The following NEK11 variants were observed in gnomAD, a reference collection of about 807,000 sequenced individuals.
NEK11 encodes the protein NIMA related kinase 11.
Under a neutral mutation model 80.7 loss-of-function variants are expected in NEK11, and 72 were observed. That is an observed-to-expected ratio of 0.89 (90% CI 0.74 to 1.08). The LOEUF is 1.08. Ranked by LOEUF, NEK11 falls within the 50% of genes least tolerant of loss-of-function variation. The probability of loss-of-function intolerance (pLI) is 0.00; values close to 1 mark genes in which losing one functional copy is unlikely to be tolerated. For synonymous variants in NEK11, 251 were observed against 260.7 expected (o/e 0.96, Z 0.36); for missense variants, 764 against 763.6 (o/e 1.00, Z -0.01).
chr3:131,109,092 T>G (rs2079653464), intron 4 of NEK11, among the ~76,000 whole-genome samples: 2 of 152,092 alleles, frequency 1.3e-5, no homozygotes, highest in Admixed American at 6.6e-5. Flanking sequence ...ATATAGGTAA[T>G]ATAATAAAAA....
At chr3:131,267,656 G>C (rs952246198) in intron 16 of NEK11, among the ~76,000 whole-genome samples, 6 of 152,006 alleles carry the variant, frequency 3.9e-5, no homozygotes, top group Non-Finnish European at 8.8e-5. Flanking sequence ...TAGTCTGATG[G>C]GCTTCCCTTT....
chr3:131,262,805 C>A (rs539146267), intron 16 of NEK11, among the ~76,000 whole-genome samples: 9 of 152,160 alleles, frequency 5.9e-5, no homozygotes, highest in African/African-American at 2.2e-4. Flanking sequence ...TAATGCTATC[C>A]CTCTACTTGT....
chr3:131,177,582 G>C (rs1437001545), intron 14 of NEK11, among the ~76,000 whole-genome samples: 1 of 152,134 alleles, frequency 6.6e-6, no homozygotes, highest in Non-Finnish European at 1.5e-5. Context: ...GACGTGAGAA[G>C]ATGTCTCCTA....
At chr3:131,056,817 A>G (rs1356652563) in intron 3 of NEK11, among the ~76,000 whole-genome samples, 4 of 151,860 alleles carry the variant, frequency 2.6e-5, no homozygotes, top group Non-Finnish European at 4.4e-5. Flanking sequence ...GATGCCCTCT[A>G]TGTCTATAGG....
chr3:131,154,772 C>T lies in NEK11; in HGVS notation c.877-264C>T, dbSNP rs2090358151. The T allele has an allele frequency of 1.1e-5, 4 of 370,834 alleles. No homozygotes were observed. In the South Asian group the frequency reaches 1.5e-4, roughly 14 times the overall value. 23.0% of individuals were successfully genotyped at this position (370,834 alleles called of 1,614,324 possible). A position where few individuals can be genotyped will look rare whatever the true frequency, so the allele number is the denominator to read the frequency against. On this transcript the variant is annotated intron_variant, in intron 9 of 17. Transcript: ENST00000383366. ...GTGTCTTCTTGTAGCTGAAAGTAGG[C>T]CTGCCCATGATTGGCAAAAGGGAGT...
chr3:131,255,050 G>GAGAGAGAGAGAC (rs1222083767), intron 16 of NEK11, among the ~76,000 whole-genome samples: 16 of 132,738 alleles, frequency 1.2e-4, no homozygotes, highest in African/African-American at 4.2e-4. Context: ...GAGAGAGAGA[G>GAGAGAGAGAGAC]AGACAGACAG....
intron 5 of NEK11, among the ~76,000 whole-genome samples, chr3:131,110,711 C>T (rs528286912): frequency 7.2e-5 from 11 of 152,110 alleles, no homozygotes; most frequent in South Asian, 2.1e-4. Context: ...TCTTCTTGAA[C>T]GAAAGGGGGT....
chr3:131,093,172 T>C (rs1490456604), intron 4 of NEK11, among the ~76,000 whole-genome samples: 1 of 152,134 alleles, frequency 6.6e-6, no homozygotes, highest in Non-Finnish European at 1.5e-5. Context: ...AAATCACCAG[T>C]TGGGAAGCAC....
At chr3:131,294,689 C>T (rs1033850239) in intron 17 of NEK11, among the ~76,000 whole-genome samples, 4 of 152,018 alleles carry the variant, frequency 2.6e-5, no homozygotes, top group African/African-American at 4.8e-5. Context: ...GTGGATTTAT[C>T]TATTTTTCCT....
chr3:131,281,888 T>A (rs887818129), intron 17 of NEK11, among the ~76,000 whole-genome samples: 1 of 152,152 alleles, frequency 6.6e-6, no homozygotes, highest in African/African-American at 2.4e-5. Context: ...TTTGGTATAT[T>A]TTTTGGAATT....
rs1182146827 is a variant in NEK11, at chr3:131,255,070, CAGAAAGAAGGAA to C, written c.1621+11583_1621+11594del. Among the ~76,000 whole-genome samples the C allele has an allele frequency of 7.4e-5, 8 of 108,700 alleles. No homozygotes were observed. The South Asian group carries it at 9.3e-4, about 13-fold the overall frequency. 71.3% of individuals were successfully genotyped at this position (108,700 alleles called of 152,430 possible). A position where few individuals can be genotyped will look rare whatever the true frequency, so the allele number is the denominator to read the frequency against. ...AGAGAGAGACAGACAGACAGACAGA[CAGAAAGAAGGAA>C]AGAAAGAAAGAAAGAAAGAAAGAAA... On this transcript the variant is annotated intron_variant, in intron 16 of 17. Coordinates refer to ENST00000383366, the MANE Select transcript of NEK11 (RefSeq NM_024800.5).
At chr3:131,150,269 A>G (rs1483539903) in intron 7 of NEK11, among the ~76,000 whole-genome samples, 1 of 151,760 alleles carries the variant, frequency 6.6e-6, no homozygotes, top group Non-Finnish European at 1.5e-5. Context: ...TAAATGTTCC[A>G]TGTGCCCTTG....
chr3:131,155,499 A>G (rs561675798), intron 10 of NEK11, among the ~76,000 whole-genome samples: 1 of 152,344 alleles, frequency 6.6e-6, no homozygotes, highest in South Asian at 2.1e-4. Context: ...GTATCTATTG[A>G]CAAGAAAACA....
At chr3:131,175,024 C>G (rs1272062001) in intron 14 of NEK11, 2 of 1,286,014 alleles carry the variant, frequency 1.6e-6, no homozygotes, top group African/African-American at 1.5e-5. Flanking sequence ...GCTTTGCTTG[C>G]CTGTAGGAGC....
intron 5 of NEK11, among the ~76,000 whole-genome samples, chr3:131,121,438 C>A (rs1038810375): frequency 4.2e-4 from 64 of 152,174 alleles, no homozygotes; most frequent in African/African-American, 1.5e-3. Flanking sequence ...GGGCTCAGGG[C>A]CCAGTTAAGG....
chr3:131,199,987 T>C (rs1321735031), intron 14 of NEK11, among the ~76,000 whole-genome samples: 2 of 152,158 alleles, frequency 1.3e-5, no homozygotes, highest in Non-Finnish European at 2.9e-5. Flanking sequence ...AATTGATGGA[T>C]ATCATTCAAT....
intron 7 of NEK11, among the ~76,000 whole-genome samples, chr3:131,142,033 G>T (rs2087023620): frequency 6.6e-6 from 1 of 152,188 alleles, no homozygotes; most frequent in African/African-American, 2.4e-5. Flanking sequence ...GAGGACTACA[G>T]ATTAACTGAG....
chr3:131,109,724 A>G (rs1194831194), intron 4 of NEK11, 79 bp from the exon 5 acceptor site: 5 of 1,332,476 alleles, frequency 3.8e-6, no homozygotes, highest in South Asian at 3.1e-5. Flanking sequence ...AGTGACTGCT[A>G]TGTATTAACT....
intron 14 of NEK11, 67 bp downstream of exon 14, chr3:131,170,954 T>A: frequency 8.9e-7 from 1 of 1,126,774 alleles, no homozygotes; most frequent in Non-Finnish European, 1.4e-6. Flanking sequence ...TGGCCGACTT[T>A]GCAGTGGGTC....
Sources: gnomAD v4.1 joint callset for allele counts (sites outside exome capture counted in the v4.1 genomes callset) on GRCh38, gnomAD v4.1.1 for gene constraint, MANE v1.5 for transcripts, NCBI Gene and HGNC (gene_info 2026-07-23, HGNC 2026-07-21) for gene names.